The following RNF212B variants were observed in gnomAD, a reference collection of about 807,000 sequenced individuals.
RNF212B encodes the protein E3 ubiquitin-protein ligase RNF212B.
In RNF212B, 52 loss-of-function variants were observed where a neutral mutation model predicts 55.5. The ratio of observed to expected loss-of-function variants is 0.94; its 90% CI spans 0.75 to 1.18. The LOEUF is 1.18. RNF212B is among the 50% of genes most tolerant of loss of function. The probability of loss-of-function intolerance (pLI) is 0.00; values close to 1 mark genes in which losing one functional copy is unlikely to be tolerated. For synonymous variants in RNF212B, 99 were observed against 121.4 expected, an observed-to-expected ratio of 0.82 and a Z score of 1.21; for missense variants, 289 against 350.4, an observed-to-expected ratio of 0.82 and a Z score of 1.40.
intron 4 of RNF212B, among the ~76,000 whole-genome samples, chr14:23,256,154 A>G (rs989180714): frequency 1.5e-4 from 23 of 152,182 alleles, no homozygotes; most frequent in African/African-American, 5.3e-4. Flanking sequence ...AATCTAGGGT[A>G]GGATTTGGCT....
chr14:23,254,940 T>G (rs1884711223), intron 4 of RNF212B, among the ~76,000 whole-genome samples: 1 of 152,182 alleles, frequency 6.6e-6, no homozygotes, highest in Non-Finnish European at 1.5e-5. Flanking sequence ...AAAATAAAGT[T>G]TATACAAGGC....
chr14:23,206,355 G>A (rs1202988661), intron 2 of RNF212B, among the ~76,000 whole-genome samples: 1 of 152,206 alleles, frequency 6.6e-6, no homozygotes, highest in Non-Finnish European at 1.5e-5. Flanking sequence ...TTACAGGCGT[G>A]AGCCACCGTG....
At chr14:23,260,795 GCTTTCA>G in intron 7 of RNF212B, 108 bp downstream of exon 7, 11 of 1,017,366 alleles carry the variant, frequency 1.1e-5, no homozygotes, top group Non-Finnish European at 1.6e-5. Context: ...AATGAATTTA[GCTTTCA>G]CTTCTCCGAG....
chr14:23,187,130 A>G (rs778166250), intron 1 of RNF212B, among the ~76,000 whole-genome samples: 3 of 152,140 alleles, frequency 2.0e-5, no homozygotes, highest in Admixed American at 6.5e-5. Context: ...CCACTGTTTC[A>G]GCTGTTTTGC....
chr14:23,200,591 G>T (rs1480496164), intron 2 of RNF212B, among the ~76,000 whole-genome samples: 1 of 152,160 alleles, frequency 6.6e-6, no homozygotes, highest in East Asian at 1.9e-4. Flanking sequence ...CTCCCAAAGT[G>T]CTGGGATTAC....
intron 11 of RNF212B, among the ~76,000 whole-genome samples, chr14:23,266,468 G>C (rs1473344942): frequency 2.3e-5 from 3 of 133,234 alleles, no homozygotes; most frequent in African/African-American, 9.0e-5. Flanking sequence ...CTGGAGTGCA[G>C]TGGTGCAATC....
chr14:23,273,229 T>C lies in RNF212B; in HGVS notation c.*338T>C. 5.4e-6 allele frequency: 1 copy of C among 183,894 alleles called. No individual in the cohort carries two copies. Among genetic ancestry groups the C allele is most frequent in the South Asian group, 1.6e-4 (1 of 6,168 alleles). 11.4% of individuals were successfully genotyped at this position (183,894 alleles called of 1,614,324 possible). A position where few individuals can be genotyped will look rare whatever the true frequency, so the allele number is the denominator to read the frequency against. ...TGGGAATGGGGATTGTGATGGATCA[T>C]ATACTCATCACTGTTTCATTTCTGG... On this transcript the variant is annotated 3_prime_UTR_variant, in exon 15 of 15. Transcript: ENST00000430154.
At chr14:23,230,652 T>G (rs1882527298) in intron 2 of RNF212B, among the ~76,000 whole-genome samples, 1 of 28,472 alleles carries the variant, frequency 3.5e-5, no homozygotes, top group South Asian at 1.4e-3. Flanking sequence ...AGACTCCATC[T>G]CAAAAAAAAA....
At chr14:23,217,256 G>GGCAGTGGT (rs202192926) in intron 2 of RNF212B, among the ~76,000 whole-genome samples, 2 of 18,924 alleles carry the variant, frequency 1.1e-4, no homozygotes, top group Non-Finnish European at 2.4e-4. Flanking sequence ...TGGCAGTGGT[G>GGCAGTGGT]GGGGGGGGGC....
At chr14:23,214,072 G>A (rs75433614) in intron 2 of RNF212B, among the ~76,000 whole-genome samples, 3,216 of 152,260 alleles carry the variant, frequency 0.021, 107 homozygotes, top group African/African-American at 0.072. Context: ...GTAGTGTGCT[G>A]TAATGTAATC....
rs1333110309 is a variant in RNF212B, at chr14:23,238,024, T to C, written c.-33T>C. On this transcript the variant is annotated 5_prime_UTR_variant, in exon 1 of 15. Transcript: ENST00000430154. The stretch of plus-strand genomic sequence containing the variant: ...GAGAACTGGATGATTTCCTGAGATC[T>C]GAGGCTTTCTGGAATCACAGCGGCC... Among the ~76,000 whole-genome samples the C allele has an allele frequency of 6.6e-6, 1 of 152,236 alleles. No homozygotes were observed. The highest frequency in any genetic ancestry group is 1.5e-5 in the Non-Finnish European group (1 of 68,036).
At chr14:23,264,369 G>A in intron 10 of RNF212B, 135 bp downstream of exon 10, 1 of 770,946 alleles carries the variant, frequency 1.3e-6, no homozygotes, top group Non-Finnish European at 2.1e-6. Context: ...ATTTTCTTTT[G>A]GCAATGGAGA....
intron 4 of RNF212B, among the ~76,000 whole-genome samples, chr14:23,253,158 A>G (rs1884538911): frequency 6.6e-6 from 1 of 152,182 alleles, no homozygotes; most frequent in Non-Finnish European, 1.5e-5. Context: ...TCTCTAAAAG[A>G]TAGGAACTTT....
chr14:23,197,766 T>C (rs1878863148), intron 2 of RNF212B, among the ~76,000 whole-genome samples: 1 of 142,254 alleles, frequency 7.0e-6, no homozygotes, highest in Non-Finnish European at 1.5e-5. Flanking sequence ...TTCCCCCTTC[T>C]ATGTCTTGTC....
intron 2 of RNF212B, among the ~76,000 whole-genome samples, chr14:23,215,133 T>C (rs1880940761): frequency 6.6e-6 from 1 of 152,078 alleles, no homozygotes; most frequent in Non-Finnish European, 1.5e-5. Flanking sequence ...CTCATGATGG[T>C]GAGTGAGTTC....
Position 23,260,512 on chromosome 14 carries a change from T to TA in RNF212B, c.406-146dup, listed in dbSNP as rs962195123. ...CAAAGCTAATAATATCCTAAGGAAA[T>TA]ACTGCTGCTACTTTTCCTCCTACTG... On this transcript the variant is annotated intron_variant, in intron 6 of 14. Coordinates refer to ENST00000430154, the MANE Select transcript of RNF212B (RefSeq NM_001282322.3). 3 of 703,244 alleles carry TA rather than the reference T, an allele frequency of 4.3e-6. No individual in the cohort carries two copies. In the African/African-American group the frequency reaches 5.3e-5, roughly 13 times the overall value. 43.6% of individuals were successfully genotyped at this position (703,244 alleles called of 1,614,324 possible).
At chr14:23,260,781 G>A in intron 7 of RNF212B, 94 bp downstream of exon 7, 1 of 1,159,896 alleles carries the variant, frequency 8.6e-7, no homozygotes, top group East Asian at 2.6e-5. Flanking sequence ...GAGAGAAAAT[G>A]GTTAATGAAT....
intron 2 of RNF212B, 108 bp from the exon 3 acceptor site, chr14:23,243,148 T>C (rs929607125): frequency 1.4e-4 from 108 of 757,260 alleles, no homozygotes; most frequent in Non-Finnish European, 2.3e-4. Flanking sequence ...TTAAGAACCC[T>C]TTTTTTCTTC....
chr14:23,244,130 TG>T (rs1471407882), intron 3 of RNF212B, among the ~76,000 whole-genome samples, 191 bp from the exon 4 acceptor site: 1 of 152,052 alleles, frequency 6.6e-6, no homozygotes, highest in Non-Finnish European at 1.5e-5. Context: ...TTGTGACCAC[TG>T]TTACAGAAGC....
Sources: allele counts gnomAD v4.1 joint callset (sites outside exome capture counted in the v4.1 genomes callset), GRCh38; gene constraint gnomAD v4.1.1; transcripts MANE v1.5; gene names NCBI Gene and HGNC (gene_info 2026-07-23, HGNC 2026-07-21).